Variants in RPH3AL observed in about 807,000 individuals in gnomAD.
RPH3AL encodes the protein rab effector Noc2.
In RPH3AL, 38 loss-of-function variants were observed where a neutral mutation model predicts 43.1. The observed-to-expected ratio is 0.88, with a 90% CI of 0.68 to 1.15. The LOEUF is 1.15. Among genes scored for constraint, RPH3AL ranks in the 50% most tolerant of loss-of-function variants. The pLI is 0.00. For missense variants in RPH3AL, 462 were observed against 423.2 expected (o/e 1.09, Z -0.81); for synonymous variants, 189 against 176.3 (o/e 1.07, Z -0.57).
At chr17:340,561 C>T (rs2045090956) in intron 1 of RPH3AL, among the ~76,000 whole-genome samples, 1 of 2,638 alleles carries the variant, frequency 3.8e-4, no homozygotes, top group Admixed American at 3.5e-3. Context: ...CCCACCCAGG[C>T]CTCCCCACAT....
intron 5 of RPH3AL, among the ~76,000 whole-genome samples, chr17:315,682 T>A (rs200113366): frequency 1.0e-3 from 110 of 106,638 alleles, no homozygotes; most frequent in East Asian, 1.4e-3. Context: ...GTAGTCCCTG[T>A]GACCCCACCT....
chr17:349,919 G>A (rs1303170915), intron 1 of RPH3AL, among the ~76,000 whole-genome samples: 1 of 152,128 alleles, frequency 6.6e-6, no homozygotes, highest in African/African-American at 2.4e-5. Flanking sequence ...TTACTGCTGT[G>A]CCCAGCACAC....
intron 6 of RPH3AL, among the ~76,000 whole-genome samples, chr17:273,883 G>A (rs542133968): frequency 1.3e-4 from 20 of 152,276 alleles, no homozygotes; most frequent in African/African-American, 4.8e-4. Flanking sequence ...CCAGCTTTCA[G>A]CTCCTTAAAA....
At chr17:256,214 C>G (rs1597950656) in intron 6 of RPH3AL, among the ~76,000 whole-genome samples, 1 of 111,234 alleles carries the variant, frequency 9.0e-6, no homozygotes, top group African/African-American at 2.7e-5. Context: ...TTTTCCGTCC[C>G]TAGGAACGTG....
At chr17:243,273 C>G (rs1555538008) in intron 7 of RPH3AL, among the ~76,000 whole-genome samples, 1 of 145,636 alleles carries the variant, frequency 6.9e-6, no homozygotes, top group African/African-American at 2.6e-5. Context: ...TACCCTTCCT[C>G]TATTGATTAC....
chr17:331,267 C>T (rs2044752157), intron 2 of RPH3AL: 1 of 236,602 alleles, frequency 4.2e-6, no homozygotes. Context: ...GAGCCAAATG[C>T]TGCAGAGATG....
At chr17:282,193 C>A (rs180967083) in intron 5 of RPH3AL, among the ~76,000 whole-genome samples, 1 of 152,204 alleles carries the variant, frequency 6.6e-6, no homozygotes, top group Non-Finnish European at 1.5e-5. Context: ...CAGGCAAACA[C>A]GACAGCACGT....
chr17:337,381 G>A (rs374519676), intron 1 of RPH3AL, among the ~76,000 whole-genome samples: 2 of 152,212 alleles, frequency 1.3e-5, no homozygotes, highest in Non-Finnish European at 2.9e-5. Context: ...GACTATGGGA[G>A]TACGCCACGA....
rs2041666325 is a variant in RPH3AL at position 243,902 on chromosome 17, A to AC, written c.613+3208dup. ...CTCTACTGATTACACTTCCTCTATT[A>AC]CCTTCCTCTATTGATTACCTTCCTC... On this transcript the variant is annotated intron_variant, in intron 7 of 9. Transcript: ENST00000331302. Among the ~76,000 whole-genome samples the AC allele has an allele frequency of 5.9e-5, 8 of 135,556 alleles. 1 individual carries two copies. The South Asian group carries it at 1.9e-3, about 32-fold the overall frequency. The allele number at this position is 135,556 out of a possible 152,430, so 88.9% of individuals were successfully genotyped here. A position where few individuals can be genotyped will look rare whatever the true frequency, so the allele number is the denominator to read the frequency against.
At chr17:252,226 C>A (rs1305227687) in intron 6 of RPH3AL, among the ~76,000 whole-genome samples, 1 of 152,160 alleles carries the variant, frequency 6.6e-6, no homozygotes, top group Non-Finnish European at 1.5e-5. Context: ...CTGCCCACCT[C>A]TGCCTCCCAA....
chr17:297,735 G>A (rs895082554), intron 5 of RPH3AL, among the ~76,000 whole-genome samples: 1 of 152,222 alleles, frequency 6.6e-6, no homozygotes, highest in Non-Finnish European at 1.5e-5. Context: ...CCAGGAGGGT[G>A]AGGCAGCAGC....
chr17:325,906 T>C (rs1402147483), intron 3 of RPH3AL, among the ~76,000 whole-genome samples: 1 of 152,218 alleles, frequency 6.6e-6, no homozygotes, highest in Non-Finnish European at 1.5e-5. Flanking sequence ...TTCCAGAGAC[T>C]GTGCCAGGTA....
Position 343,745 on chromosome 17 carries a change from G to A in RPH3AL, c.-213+8967C>T, listed in dbSNP as rs1033058108. On this transcript the variant is annotated intron_variant, in intron 1 of 9. Coordinates refer to ENST00000331302, the MANE Select transcript of RPH3AL (RefSeq NM_006987.4). ...GACTACTATCCATCCAGTGGGTAGA[G>A]GCCAGGAATGCTGCTAAACATCCCT... Among the ~76,000 whole-genome samples, 7 of 152,286 alleles carry A rather than the reference G, an allele frequency of 4.6e-5. No homozygotes were observed. In the East Asian group the frequency reaches 1.4e-3, roughly 29 times the overall value.
intron 6 of RPH3AL, among the ~76,000 whole-genome samples, chr17:281,338 G>C (rs2151605834): frequency 6.6e-6 from 1 of 152,142 alleles, no homozygotes; most frequent in Non-Finnish European, 1.5e-5. Flanking sequence ...AGCACCACTG[G>C]GGTTGTGCAG....
At chr17:237,014 G>T (rs1032092439) in intron 7 of RPH3AL, among the ~76,000 whole-genome samples, 1 of 152,216 alleles carries the variant, frequency 6.6e-6, no homozygotes, top group Non-Finnish European at 1.5e-5. Context: ...CTGAGCATCA[G>T]CTGGGTTAGC....
intron 5 of RPH3AL, among the ~76,000 whole-genome samples, chr17:282,252 A>G (rs561445175): frequency 5.3e-5 from 8 of 152,228 alleles, no homozygotes; most frequent in Non-Finnish European, 1.2e-4. Flanking sequence ...AAATAATGCG[A>G]TTCAACAAAG....
chr17:346,537 T>C lies in RPH3AL; in HGVS notation c.-213+6175A>G, dbSNP rs2045240159. On this transcript the variant is annotated intron_variant, in intron 1 of 9. Transcript: ENST00000331302. ...CTCTCGTGAGACTTATTCACTCTCA[T>C]GAGAACAGCACGGGAAAGACCCGCC... Among the ~76,000 whole-genome samples, 5 of 133,506 alleles carry C rather than the reference T, an allele frequency of 3.7e-5. 1 individual carries two copies. The highest frequency in any genetic ancestry group is 1.4e-4 in the Admixed American group (2 of 13,826). 87.6% of individuals were successfully genotyped at this position (133,506 alleles called of 152,430 possible). A position where few individuals can be genotyped will look rare whatever the true frequency, so the allele number is the denominator to read the frequency against.
intron 6 of RPH3AL, among the ~76,000 whole-genome samples, chr17:279,419 A>G (rs915136377): frequency 2.6e-5 from 4 of 152,156 alleles, no homozygotes; most frequent in Non-Finnish European, 5.9e-5. Context: ...ATTCAAGGGC[A>G]AAGTAATAGC....
Position 247,244 on chromosome 17 carries a change from G to C in RPH3AL, c.480C>G (p.Pro160=), listed in dbSNP as rs1555540482. 6.2e-7 allele frequency: 1 copy of C among 1,608,148 alleles called. No homozygotes were observed. Among genetic ancestry groups the C allele is most frequent in the African/African-American group, 1.3e-5 (1 of 74,858 alleles). ...RSGAWFYKGL[P]KYILPLKTPG... The stretch of plus-strand genomic sequence containing the variant: ...GGGTCTTCAGGGGCAAGATATACTT[G>C]GGGAGCCCTTTGTAGAACCAGGCCC... The change falls in exon 7 of 10, where the codon CCC becomes CCG. Residue 160 remains proline (P), a synonymous_variant. Transcript: ENST00000331302.
Sources: gnomAD v4.1 joint callset for allele counts (sites outside exome capture counted in the v4.1 genomes callset) on GRCh38, gnomAD v4.1.1 for gene constraint, MANE v1.5 for transcripts, NCBI Gene and HGNC (gene_info 2026-07-23, HGNC 2026-07-21) for gene names.